Variants in UBAP2L observed in about 807,000 individuals in gnomAD.
UBAP2L encodes ubiquitin-associated protein 2-like.
Under a neutral mutation model 130.6 loss-of-function variants are expected in UBAP2L, and 12 were observed. The ratio of observed to expected loss-of-function variants is 0.09; its 90% CI spans 0.06 to 0.15. The LOEUF (loss-of-function observed/expected upper bound fraction) is 0.15. Ranked by LOEUF, UBAP2L falls within the 10% of genes least tolerant of loss-of-function variation. The probability of loss-of-function intolerance (pLI) is 1.00; values close to 1 mark genes in which losing one functional copy is unlikely to be tolerated. For missense variants in UBAP2L, 965 were observed against 1,332.5 expected, an observed-to-expected ratio of 0.72 and a Z score of 4.29; for synonymous variants, 503 against 524.7, an observed-to-expected ratio of 0.96 and a Z score of 0.57.
chr1:154,226,419 T>C (rs866752678), intron 2 of UBAP2L, among the ~76,000 whole-genome samples: 1 of 152,244 alleles, frequency 6.6e-6, no homozygotes, highest in African/African-American at 2.4e-5. Flanking sequence ...GAATTACTTA[T>C]ATTTGATTAT....
chr1:154,227,888 A>G (rs2148504343), intron 3 of UBAP2L, among the ~76,000 whole-genome samples: 1 of 152,128 alleles, frequency 6.6e-6, no homozygotes, highest in East Asian at 1.9e-4. Flanking sequence ...TGGAAATTTT[A>G]TCTTAATTTT....
intron 25 of UBAP2L, among the ~76,000 whole-genome samples, chr1:154,266,940 A>G (rs748191025): frequency 1.3e-5 from 2 of 152,248 alleles, no homozygotes; most frequent in African/African-American, 2.4e-5. Flanking sequence ...GAGTAAATCT[A>G]TAACAGTGGG....
chr1:154,254,403 C>T (rs1178008198), intron 15 of UBAP2L, among the ~76,000 whole-genome samples: 2 of 152,184 alleles, frequency 1.3e-5, no homozygotes, highest in Non-Finnish European at 2.9e-5. Flanking sequence ...GTAGACCTCA[C>T]CTTGCTAAGT....
chr1:154,242,718 C>T (rs533546823), intron 9 of UBAP2L, among the ~76,000 whole-genome samples: 5 of 152,210 alleles, frequency 3.3e-5, no homozygotes, highest in South Asian at 2.1e-4. Flanking sequence ...CTAGTTAAAA[C>T]GATCTCCCAT....
intron 14 of UBAP2L, among the ~76,000 whole-genome samples, chr1:154,253,370 A>G (rs1678467099): frequency 6.7e-6 from 1 of 149,472 alleles, no homozygotes; most frequent in African/African-American, 2.5e-5. Context: ...GAAGACTTGA[A>G]GATGTTTTTA....
At chr1:154,228,127 G>C (rs374130633) in intron 3 of UBAP2L, among the ~76,000 whole-genome samples, 8 of 151,828 alleles carry the variant, frequency 5.3e-5, no homozygotes, top group South Asian at 2.1e-4. Context: ...GCGGGGGTTG[G>C]GGGGGTGGTT....
In UBAP2L at chr1:154,250,380, G is replaced by A. The variant is rs150449430; in HGVS notation, c.1214-661G>A. On this transcript the variant is annotated intron_variant, in intron 12 of 26. Coordinates refer to ENST00000428931, the MANE Select transcript of UBAP2L (RefSeq NM_014847.4). Reference sequence around the variant, plus strand: ...TTTTTTTCCTCATCAACATTATAATGAAATCATGTTGAAGGAAACAACGTT... The same window carrying A: ...TTTTTTTCCTCATCAACATTATAATAAAATCATGTTGAAGGAAACAACGTT... Among the ~76,000 whole-genome samples the A allele has an allele frequency of 1.3e-3, 194 of 151,948 alleles. 1 individual carries two copies. Among genetic ancestry groups the A allele is most frequent in the Admixed American group, 7.0e-3 (107 of 15,252 alleles).
intron 23 of UBAP2L, 47 bp from the exon 24 acceptor site, chr1:154,261,545 G>C (rs1397196205): frequency 6.4e-7 from 1 of 1,569,102 alleles, no homozygotes; most frequent in South Asian, 1.1e-5. Flanking sequence ...GGGACAGATG[G>C]TATTCTGCTG....
rs1668783501 is a variant in UBAP2L at position 154,228,634 on chromosome 1, A to G, written c.188A>G (p.Lys63Arg). The G allele has an allele frequency of 6.2e-7, 1 of 1,613,622 alleles. No homozygotes were observed. Among genetic ancestry groups the G allele is most frequent in the African/African-American group, 1.3e-5 (1 of 74,926 alleles). ...KVKQLIDITG[K>R]NQDECVIALH... ...TTTCAGTTGATTGATATTACAGGCAAGAACCAGGATGAATGTGTGATTGCT... is the reference window on the plus strand; with the variant it reads ...TTTCAGTTGATTGATATTACAGGCAGGAACCAGGATGAATGTGTGATTGCT... Residue 63 changes from lysine (K) to arginine (R), a missense_variant, in exon 4 of 27, where the codon AAG becomes AGG. By Grantham distance (26) the Lys-to-Arg change is conservative. Coordinates refer to ENST00000428931, the MANE Select transcript of UBAP2L (RefSeq NM_014847.4).
intron 8 of UBAP2L, among the ~76,000 whole-genome samples, chr1:154,240,614 A>G (rs1558155673): frequency 6.6e-6 from 1 of 152,140 alleles, no homozygotes; most frequent in African/African-American, 2.4e-5. Context: ...AATAAGATCT[A>G]TAAACTTGAC....
At chr1:154,236,053 T>C (rs1388891261) in intron 6 of UBAP2L, among the ~76,000 whole-genome samples, 1 of 152,220 alleles carries the variant, frequency 6.6e-6, no homozygotes, top group Non-Finnish European at 1.5e-5. Context: ...TGTATTTGCT[T>C]GAGGACATGG....
intron 6 of UBAP2L, 91 bp from the exon 7 acceptor site, chr1:154,236,475 C>G: frequency 1.4e-6 from 2 of 1,388,042 alleles, no homozygotes. Flanking sequence ...GCTGGGATTA[C>G]CACCGGGAGC....
At chr1:154,248,965 A>T (rs970447856) in intron 11 of UBAP2L, among the ~76,000 whole-genome samples, 1 of 152,188 alleles carries the variant, frequency 6.6e-6, no homozygotes, top group African/African-American at 2.4e-5. Context: ...GCTTTAATTT[A>T]TTTAATCCTC....
intron 10 of UBAP2L, among the ~76,000 whole-genome samples, chr1:154,245,688 G>A (rs1248567671): frequency 6.6e-6 from 1 of 152,096 alleles, no homozygotes; most frequent in Admixed American, 6.5e-5. Context: ...GGCCAAGGCG[G>A]GCGGATCATG....
intron 24 of UBAP2L, among the ~76,000 whole-genome samples, chr1:154,262,094 T>A (rs1407928047): frequency 6.6e-6 from 1 of 152,192 alleles, no homozygotes; most frequent in Admixed American, 6.5e-5. Context: ...AATGGGTTCA[T>A]AGCTAGCAGC....
chr1:154,226,809 G>A (rs1571589815), intron 2 of UBAP2L, among the ~76,000 whole-genome samples: 1 of 152,224 alleles, frequency 6.6e-6, no homozygotes, highest in East Asian at 1.9e-4. Flanking sequence ...TCAATTTTTT[G>A]TCATTTTACT....
At chr1:154,256,047 T>C (rs1312706010) in intron 18 of UBAP2L, among the ~76,000 whole-genome samples, 1 of 152,204 alleles carries the variant, frequency 6.6e-6, no homozygotes, top group African/African-American at 2.4e-5. Context: ...TGGAAGAACA[T>C]ACCTTTCCAA....
At chr1:154,240,895 T>A in intron 8 of UBAP2L, among the ~76,000 whole-genome samples, 1 of 151,726 alleles carries the variant, frequency 6.6e-6, no homozygotes. Flanking sequence ...CCTGAGGACC[T>A]TAAAGATACT....
At chr1:154,265,032 G>A (rs1188692469) in intron 24 of UBAP2L, among the ~76,000 whole-genome samples, 1 of 152,158 alleles carries the variant, frequency 6.6e-6, no homozygotes, top group African/African-American at 2.4e-5. Context: ...TTTTACTTCA[G>A]TGTCTTTAGA....
Sources: gnomAD v4.1 joint callset for allele counts (sites outside exome capture counted in the v4.1 genomes callset) on GRCh38, gnomAD v4.1.1 for gene constraint, MANE v1.5 for transcripts, NCBI Gene and HGNC (gene_info 2026-07-23, HGNC 2026-07-21) for gene names.